GRIA4: variants seen among roughly 807,000 people sequenced by gnomAD.
GRIA4 encodes the protein glutamate receptor 4.
A neutral mutation model predicts 104.0 loss-of-function variants in GRIA4; 34 were observed. That is an observed-to-expected ratio of 0.33 (90% CI 0.25 to 0.44). GRIA4 has a LOEUF of 0.44. Ranked by LOEUF, GRIA4 falls within the 20% of genes least tolerant of loss-of-function variation. The probability of loss-of-function intolerance (pLI) is 1.00; values close to 1 mark genes in which losing one functional copy is unlikely to be tolerated. For missense variants in GRIA4, 750 were observed against 1,096.5 expected (o/e 0.68, Z 4.46); for synonymous variants, 386 against 381.9 (o/e 1.01, Z -0.13).
chr11:105,791,226 A>G (rs564649493), intron 4 of GRIA4, among the ~76,000 whole-genome samples: 2 of 152,194 alleles, frequency 1.3e-5, no homozygotes, highest in Non-Finnish European at 2.9e-5. Flanking sequence ...TATGAATTAG[A>G]GTGCTGCTTT....
intron 9 of GRIA4, among the ~76,000 whole-genome samples, chr11:105,906,169 T>A (rs1947035119): frequency 6.6e-6 from 1 of 152,246 alleles, no homozygotes; most frequent in African/African-American, 2.4e-5. Context: ...TCCTAAGCAC[T>A]GGACTTGGTG....
chr11:105,794,441 G>GTC (rs1366708899), intron 4 of GRIA4, among the ~76,000 whole-genome samples: 4 of 122,162 alleles, frequency 3.3e-5, no homozygotes, highest in Admixed American at 2.6e-4. Flanking sequence ...GGGTGTGTGT[G>GTC]TGTGTGTGTG....
In GRIA4 at chr11:105,901,729, C is replaced by T. The variant is rs141259514; in HGVS notation, c.886-2085C>T. 2.4e-3 allele frequency among the ~76,000 whole-genome samples: 369 copies of T among 152,262 alleles called. 2 individuals are homozygous for T. Among genetic ancestry groups the T allele is most frequent in the African/African-American group, 8.5e-3 (354 of 41,546 alleles). On this transcript the variant is annotated intron_variant, in intron 7 of 16. Coordinates refer to ENST00000282499, the MANE Select transcript of GRIA4 (RefSeq NM_000829.4). ...CTCTGTGTGATACCTGCTCTTTTTT[C>T]TGGTTCACATATTTCATAAAAATAA...
intron 3 of GRIA4, among the ~76,000 whole-genome samples, chr11:105,629,289 A>G (rs1950971220): frequency 8.0e-6 from 1 of 124,692 alleles, no homozygotes; most frequent in Admixed American, 8.0e-5. Context: ...ATAAATAAAT[A>G]AATAGAGACA....
chr11:105,779,951 G>A (rs1565230221), intron 4 of GRIA4, among the ~76,000 whole-genome samples: 1 of 152,126 alleles, frequency 6.6e-6, no homozygotes, highest in Non-Finnish European at 1.5e-5. Context: ...TTCAGTGGGG[G>A]CATATCACAC....
chr11:105,946,318 C>T (rs1948311627), intron 14 of GRIA4, among the ~76,000 whole-genome samples: 1 of 152,166 alleles, frequency 6.6e-6, no homozygotes, highest in African/African-American at 2.4e-5. Flanking sequence ...TGCAGTGGCT[C>T]ACACCTGTAA....
intron 5 of GRIA4, among the ~76,000 whole-genome samples, chr11:105,884,235 TC>T (rs1463745570): frequency 6.6e-6 from 1 of 152,240 alleles, no homozygotes; most frequent in African/African-American, 2.4e-5. Context: ...TATATTCCTA[TC>T]TTTCAACTCA....
intron 3 of GRIA4, among the ~76,000 whole-genome samples, chr11:105,714,108 A>G (rs1252058113): frequency 6.6e-6 from 1 of 152,154 alleles, no homozygotes; most frequent in Non-Finnish European, 1.5e-5. Flanking sequence ...CCACATTTAT[A>G]TTTATGGAAA....
intron 4 of GRIA4, among the ~76,000 whole-genome samples, chr11:105,819,966 C>A (rs114429293): frequency 0.019 from 2,869 of 152,088 alleles, 78 homozygotes; most frequent in African/African-American, 0.065. Context: ...TGGAGATACA[C>A]AGGAAGAACA....
intron 4 of GRIA4, among the ~76,000 whole-genome samples, chr11:105,761,163 T>G (rs1940623381): frequency 6.6e-6 from 1 of 152,156 alleles, no homozygotes; most frequent in Non-Finnish European, 1.5e-5. Flanking sequence ...ACAAAATATT[T>G]TGGAATTTTT....
chr11:105,893,825 G>A (rs972954678), intron 6 of GRIA4, among the ~76,000 whole-genome samples: 1 of 152,174 alleles, frequency 6.6e-6, no homozygotes, highest in African/African-American at 2.4e-5. Flanking sequence ...TCATTTGCCT[G>A]CCTGTGGGTC....
intron 11 of GRIA4, among the ~76,000 whole-genome samples, chr11:105,923,948 A>T (rs1190014478): frequency 2.0e-5 from 3 of 152,162 alleles, no homozygotes; most frequent in Non-Finnish European, 4.4e-5. Context: ...TTTGCAATTC[A>T]TAATATTAAG....
At chr11:105,616,322 C>T (rs1950599119) in intron 3 of GRIA4, among the ~76,000 whole-genome samples, 1 of 151,542 alleles carries the variant, frequency 6.6e-6, no homozygotes, top group African/African-American at 2.4e-5. Context: ...GAAAAAGTTT[C>T]TTTTTTAAGT....
intron 3 of GRIA4, among the ~76,000 whole-genome samples, chr11:105,657,553 G>A (rs1292999938): frequency 6.6e-6 from 1 of 151,954 alleles, no homozygotes; most frequent in Admixed American, 6.6e-5. Context: ...TAACCTTAAT[G>A]TCATAAATGA....
At chr11:105,806,889 T>A (rs1942975360) in intron 4 of GRIA4, among the ~76,000 whole-genome samples, 1 of 150,496 alleles carries the variant, frequency 6.6e-6, no homozygotes, top group South Asian at 2.1e-4. Flanking sequence ...ATAACAAAAA[T>A]AAATATAAAA....
chr11:105,887,732 T>C (rs1161658291), intron 6 of GRIA4, among the ~76,000 whole-genome samples, 160 bp downstream of exon 6: 2 of 152,124 alleles, frequency 1.3e-5, no homozygotes, highest in East Asian at 3.8e-4. Flanking sequence ...ATTTCACCAG[T>C]AGAATTCAAT....
rs532414740 is a variant in GRIA4 at position 105,833,891 on chromosome 11, A to G, written c.488-28133A>G. 2.6e-5 allele frequency among the ~76,000 whole-genome samples: 4 copies of G among 152,130 alleles called. No individual in the cohort carries two copies. In the South Asian group the frequency reaches 8.3e-4, roughly 31 times the overall value. ...ATATTCATATTGTTTTTCTCTAGTC[A>G]TAGTTTCTGGCTGAGTCTCAACTGT... On this transcript the variant is annotated intron_variant, in intron 4 of 16. Coordinates refer to ENST00000282499, the MANE Select transcript of GRIA4 (RefSeq NM_000829.4).
intron 3 of GRIA4, among the ~76,000 whole-genome samples, chr11:105,686,661 C>T (rs1404758990): frequency 6.6e-6 from 1 of 152,214 alleles, no homozygotes; most frequent in Non-Finnish European, 1.5e-5. Context: ...TTGCTCTCCA[C>T]AGTGACTGAA....
At chr11:105,899,307 T>C (rs1946772967) in intron 7 of GRIA4, among the ~76,000 whole-genome samples, 1 of 152,206 alleles carries the variant, frequency 6.6e-6, no homozygotes, top group Admixed American at 6.5e-5. Context: ...AAACAGAACA[T>C]TAAATGGATG....
Sources: gnomAD v4.1 joint callset for allele counts (sites outside exome capture counted in the v4.1 genomes callset) on GRCh38, gnomAD v4.1.1 for gene constraint, MANE v1.5 for transcripts, NCBI Gene and HGNC (gene_info 2026-07-23, HGNC 2026-07-21) for gene names.